ADGRL1: variants seen among roughly 807,000 people sequenced by gnomAD.
The protein encoded by ADGRL1 is adhesion G protein-coupled receptor L1, also known as CIRL-1.
Under a neutral mutation model 148.9 loss-of-function variants are expected in ADGRL1, and 31 were observed. The observed-to-expected ratio is 0.21, with a 90% CI of 0.16 to 0.28. ADGRL1 has a LOEUF of 0.28. ADGRL1 is among the 10% of genes least tolerant of loss of function. ADGRL1 has a pLI of 1.00. For missense variants in ADGRL1, 1,521 were observed against 2,058.8 expected (o/e 0.74, Z 5.05); for synonymous variants, 937 against 900.3 (o/e 1.04, Z -0.73).
intron 1 of ADGRL1, 21 bp from the exon 2 acceptor site, chr19:14,183,718 T>C (rs1468773000): frequency 2.1e-6 from 2 of 935,516 alleles, no homozygotes; most frequent in African/African-American, 3.3e-5. Flanking sequence ...ACAGGGAGAC[T>C]GAGGTGGGGA....
Position 14,161,246 on chromosome 19 carries a change from G to C in ADGRL1, c.1510+66C>G, listed in dbSNP as rs771528319. The C allele has an allele frequency of 4.0e-5, 56 of 1,407,464 alleles. No homozygotes were observed. The highest frequency in any genetic ancestry group is 5.2e-5 in the Non-Finnish European group (55 of 1,064,114). 87.2% of individuals were successfully genotyped at this position (1,407,464 alleles called of 1,614,324 possible). A position where few individuals can be genotyped will look rare whatever the true frequency, so the allele number is the denominator to read the frequency against. ...GCAGTAGAGACCCCCACCCACACAT[G>C]CATCTGTGCTAAGCTGCTGGGGGCA... is the stretch of plus-strand genomic sequence containing the variant. On this transcript the variant is annotated intron_variant, in intron 6 of 22. Transcript: ENST00000361434. This position sits in a 1 kb window ranked among gnomAD's most constrained non-coding sequence, Gnocchi z 4.4.
chr19:14,179,294 A>G (rs945555476), intron 2 of ADGRL1, among the ~76,000 whole-genome samples: 5 of 152,008 alleles, frequency 3.3e-5, no homozygotes, highest in Non-Finnish European at 7.4e-5. Flanking sequence ...GGTGATTGAG[A>G]CCATCCTGGC....
In ADGRL1 at chr19:14,162,461, G is replaced by T; in HGVS notation, c.1195+145C>A. ...ATGACTGTGAAGTGCTTAGAACAGC[G>T]TCTGTCACATGCTGTGAATTTCCTT... On this transcript the variant is annotated intron_variant, in intron 5 of 22. Transcript: ENST00000361434. The surrounding 1 kb of genome is among the most constrained non-coding windows in gnomAD (Gnocchi z 5.4). 1.5e-6 allele frequency: 1 copy of T among 672,748 alleles called. No individual in the cohort carries two copies. The allele number at this position is 672,748 out of a possible 1,614,324, so 41.7% of individuals were successfully genotyped here.
At chr19:14,201,099 C>T (rs1001195078) in intron 1 of ADGRL1, among the ~76,000 whole-genome samples, 1 of 152,070 alleles carries the variant, frequency 6.6e-6, no homozygotes, top group African/African-American at 2.4e-5. Flanking sequence ...AGAGGACAGC[C>T]TCCCACAGAG....
chr19:14,170,397 G>C (rs1289632175), intron 4 of ADGRL1: 1 of 303,320 alleles, frequency 3.3e-6, no homozygotes, highest in African/African-American at 2.2e-5. Context: ...GTGTGGAAAT[G>C]AGTATAGGGT....
At chr19:14,156,564 TGTGGG>T in intron 16 of ADGRL1, 89 bp downstream of exon 16, 1 of 519,140 alleles carries the variant, frequency 1.9e-6, no homozygotes, top group Non-Finnish European at 3.0e-6. Flanking sequence ...TGTGTGTGTG[TGTGGG>T]GGGGGTGGGG....
intron 2 of ADGRL1, 115 bp downstream of exon 2, chr19:14,183,418 G>A (rs1334966561): frequency 3.3e-5 from 31 of 948,892 alleles, no homozygotes; most frequent in Middle Eastern, 5.1e-4. Context: ...GGTCTGGGGC[G>A]GGGCAGGGGG....
rs377506758 is a variant in ADGRL1, at chr19:14,151,194, G to A, written c.4089C>T (p.Asp1363=). 1.6e-5 allele frequency: 25 copies of A among 1,610,794 alleles called. No individual in the cohort carries two copies. Among genetic ancestry groups the A allele is most frequent in the African/African-American group, 6.7e-5 (5 of 74,836 alleles). Residue 1363 remains aspartate (D), a synonymous_variant, in exon 23 of 23, where the codon GAC becomes GAT. Transcript: ENST00000361434. ...AGGAGAGGGGCCGGCTGGTGGCGCCGTCCTCGGCCGTGCAGCTCTCCGACT... is the reference window on the plus strand; with the variant it reads ...AGGAGAGGGGCCGGCTGGTGGCGCCATCCTCGGCCGTGCAGCTCTCCGACT... The part of the protein sequence containing the change: ...LDESESCTAE[D]GATSRPLSSP...
In ADGRL1 at chr19:14,159,056, C is replaced by A; in HGVS notation, c.2149+34G>T. On this transcript the variant is annotated intron_variant, in intron 11 of 22. Transcript: ENST00000361434. The surrounding 1 kb of genome is among the most constrained non-coding windows in gnomAD (Gnocchi z 6.0). ...GAGCTGGGGGGTGGGGGTGGGGCTG[C>A]TTCCCCACCCGAGGCCCCGCCGGGG... The A allele has an allele frequency of 6.2e-7, 1 of 1,611,132 alleles. No individual in the cohort carries two copies.
rs759827443 is a variant in ADGRL1, at chr19:14,152,243, T to A, written c.3649+66A>T. The A allele has an allele frequency of 1.1e-5, 18 of 1,613,670 alleles. No homozygotes were observed. The highest frequency in any genetic ancestry group is 5.9e-6 in the Non-Finnish European group (7 of 1,179,706). ...CAGTTCTGGGGCACAGAACATCCCA[T>A]GCAGAGGTCCCTTGGGACACAAACC... is the stretch of plus-strand genomic sequence containing the variant. On this transcript the variant is annotated intron_variant, in intron 21 of 22. Coordinates refer to ENST00000361434, the MANE Select transcript of ADGRL1 (RefSeq NM_014921.5). This position sits in a 1 kb window ranked among gnomAD's most constrained non-coding sequence, Gnocchi z 6.1.
rs764819260 is a variant in ADGRL1, at chr19:14,162,902, G to A, written c.899C>T (p.Thr300Met). 87 of 1,613,562 alleles carry A rather than the reference G, an allele frequency of 5.4e-5. No homozygotes were observed. Among genetic ancestry groups the A allele is most frequent in the East Asian group, 1.3e-4 (6 of 44,874 alleles). The change falls in exon 5 of 23, where the codon ACG (threonine) becomes ATG (methionine). Residue 300 changes from threonine to methionine, a missense_variant. Around this residue, in one of 8 missense-constraint regions of ADGRL1, gnomAD observed 334 missense variants for 512.5 expected, o/e 0.65. Coordinates refer to ENST00000361434, the MANE Select transcript of ADGRL1 (RefSeq NM_014921.5). This position sits in a 1 kb window ranked among gnomAD's most constrained non-coding sequence, Gnocchi z 5.4. Reference protein sequence around the residue: ...LNPYTLRFEGTWETGYDKRSA... With the variant: ...LNPYTLRFEGMWETGYDKRSA... ...GCGCTTGTCGTAACCCGTCTCCCAC[G>A]TGCCCTCAAAGCGCAGTGTGTAGGG...
intron 4 of ADGRL1, among the ~76,000 whole-genome samples, chr19:14,164,364 C>T (rs533141208): frequency 1.3e-4 from 20 of 152,104 alleles, no homozygotes; most frequent in Middle Eastern, 3.4e-3. Context: ...GAGACAAGGG[C>T]GTATGGGGCT....
chr19:14,184,618 A>G (rs1971447348), intron 1 of ADGRL1, among the ~76,000 whole-genome samples: 1 of 123,240 alleles, frequency 8.1e-6, no homozygotes, highest in African/African-American at 3.4e-5. Context: ...TTATTTATTT[A>G]TTTATTTATT....
chr19:14,166,919 G>T, intron 4 of ADGRL1: 1 of 1,267,814 alleles, frequency 7.9e-7, no homozygotes, highest in Non-Finnish European at 1.2e-6. Context: ...GTGGGTTGGG[G>T]AGAGAAGAAG....
Position 14,170,799 on chromosome 19 carries a change from GGA to G in ADGRL1, c.285-10_285-9del. 1 of 1,451,892 alleles carries G rather than the reference GGA, an allele frequency of 6.9e-7. No homozygotes were observed. The highest frequency in any genetic ancestry group is 1.7e-5 in the Admixed American group (1 of 59,286). 89.9% of individuals were successfully genotyped at this position (1,451,892 alleles called of 1,614,324 possible). A position where few individuals can be genotyped will look rare whatever the true frequency, so the allele number is the denominator to read the frequency against. The stretch of plus-strand genomic sequence containing the variant: ...TGGGTGCGGTTGTTACACCTTCAGA[GGA>G]GAAACAGGGCATTGGGAAAGAAACA... On this transcript the variant is annotated splice_polypyrimidine_tract_variant and intron_variant, in intron 3 of 22. Coordinates refer to ENST00000361434, the MANE Select transcript of ADGRL1 (RefSeq NM_014921.5).
At chr19:14,199,413 G>T (rs1972462339) in intron 1 of ADGRL1, among the ~76,000 whole-genome samples, 1 of 151,626 alleles carries the variant, frequency 6.6e-6, no homozygotes, top group African/African-American at 2.4e-5. Flanking sequence ...GTGTGGGTTT[G>T]GGAGTGTGTG....
At chr19:14,172,551 C>T (rs1970547737) in intron 3 of ADGRL1, among the ~76,000 whole-genome samples, 1 of 151,822 alleles carries the variant, frequency 6.6e-6, no homozygotes, top group Non-Finnish European at 1.5e-5. Flanking sequence ...AGCAGCCTGG[C>T]CAACATGGTA....
At chr19:14,197,403 C>G (rs1359930809) in intron 1 of ADGRL1, among the ~76,000 whole-genome samples, 1 of 152,126 alleles carries the variant, frequency 6.6e-6, no homozygotes, top group Non-Finnish European at 1.5e-5. Flanking sequence ...ATCTGCCACC[C>G]CGTCCCATCC....
At chr19:14,158,243 G>A (rs1321702267) in intron 12 of ADGRL1, 95 bp downstream of exon 12, 3 of 1,362,488 alleles carry the variant, frequency 2.2e-6, no homozygotes, top group African/African-American at 2.9e-5. Flanking sequence ...CCCATAACTT[G>A]TTCTGGAGGT....
Sources: gnomAD v4.1 joint callset for allele counts (sites outside exome capture counted in the v4.1 genomes callset) on GRCh38, gnomAD v4.1.1 for gene constraint, gnomAD v4.1.1 regional missense constraint, Gnocchi (gnomAD v3.1) non-coding constraint, MANE v1.5 for transcripts, NCBI Gene and HGNC (gene_info 2026-07-23, HGNC 2026-07-21) for gene names.